Variants in CRACDL observed in about 807,000 individuals in gnomAD.
The protein encoded by CRACDL is CRACD like.
CRACDL carries 26 observed loss-of-function variants against 70.6 expected under a neutral mutation model. The ratio of observed to expected loss-of-function variants is 0.37; its 90% CI spans 0.27 to 0.51. The LOEUF (loss-of-function observed/expected upper bound fraction) is 0.51. Among genes scored for constraint, CRACDL ranks in the 20% least tolerant of loss-of-function variants. The pLI is 0.94. For synonymous variants in CRACDL, 618 were observed against 615.2 expected (o/e 1.00, Z -0.07); for missense variants, 1,283 against 1,376.9 (o/e 0.93, Z 1.08).
intron 1 of CRACDL, among the ~76,000 whole-genome samples, chr2:98,930,661 T>G (rs1709051755): frequency 6.6e-6 from 1 of 152,100 alleles, no homozygotes; most frequent in Non-Finnish European, 1.5e-5. Flanking sequence ...TGTTCTAAAT[T>G]GCGTCAAGGT....
At chr2:98,911,327 G>A (rs1337927679) in intron 1 of CRACDL, among the ~76,000 whole-genome samples, 1 of 152,182 alleles carries the variant, frequency 6.6e-6, no homozygotes, top group Non-Finnish European at 1.5e-5. Context: ...GAGACCCTTT[G>A]CACAATGCCT....
intron 1 of CRACDL, among the ~76,000 whole-genome samples, chr2:98,860,758 G>A (rs1706905204): frequency 6.6e-6 from 1 of 152,110 alleles, no homozygotes; most frequent in African/African-American, 2.4e-5. Context: ...AGAGAAGATA[G>A]GTAAGTTTGA....
intron 1 of CRACDL, among the ~76,000 whole-genome samples, chr2:98,913,626 C>G (rs1467454276): frequency 1.3e-5 from 2 of 152,152 alleles, no homozygotes; most frequent in Non-Finnish European, 2.9e-5. Context: ...CCCTTAGTCA[C>G]TCAGGACCAC....
At chr2:98,932,177 T>C (rs1411834738) in intron 1 of CRACDL, among the ~76,000 whole-genome samples, 1 of 152,130 alleles carries the variant, frequency 6.6e-6, no homozygotes, top group Non-Finnish European at 1.5e-5. Context: ...TGTTTGCAGG[T>C]ATCTAGACAA....
Position 98,936,033 on chromosome 2 carries a change from C to T in CRACDL, c.-106G>A, listed in dbSNP as rs1459153018. 1 of 152,040 alleles carries T rather than the reference C, an allele frequency of 6.6e-6. No individual in the cohort carries two copies. Among genetic ancestry groups the T allele is most frequent in the Non-Finnish European group, 1.5e-5 (1 of 67,976 alleles). The allele number at this position is 152,040 out of a possible 1,614,324, so 9.4% of individuals were successfully genotyped here. ...CCGGGGCTGCTCCCGCCGCGGTGCG[C>T]GTCTAGCCCCAGCCCAAAGCCGGGG... On this transcript the variant is annotated 5_prime_UTR_variant, in exon 1 of 10. Transcript: ENST00000397899.
At chr2:98,806,168 G>A (rs1255217055) in intron 7 of CRACDL, among the ~76,000 whole-genome samples, 2 of 152,278 alleles carry the variant, frequency 1.3e-5, no homozygotes, top group Non-Finnish European at 2.9e-5. Flanking sequence ...AGTAGAAACT[G>A]ATGTGAGTTT....
intron 7 of CRACDL, among the ~76,000 whole-genome samples, chr2:98,801,186 G>A (rs984977565): frequency 6.6e-6 from 1 of 152,204 alleles, no homozygotes; most frequent in East Asian, 1.9e-4. Context: ...TGTCAGGAAT[G>A]CAAGAGGGCC....
intron 1 of CRACDL, chr2:98,897,568 T>C (rs761197647): frequency 1.1e-5 from 3 of 279,338 alleles, no homozygotes; most frequent in Non-Finnish European, 2.2e-5. Context: ...GGAGGTTCCA[T>C]GTAATCCAAT....
chr2:98,897,653 T>G (rs1708163292), intron 1 of CRACDL, among the ~76,000 whole-genome samples: 2 of 152,254 alleles, frequency 1.3e-5, no homozygotes, highest in Non-Finnish European at 2.9e-5. Flanking sequence ...ACTCAAGTTA[T>G]AGTTTTTCCT....
Position 98,822,024 on chromosome 2 carries a change from G to A in CRACDL, c.2249C>T (p.Ala750Val), listed in dbSNP as rs138264489. ...GGAGCTGAGCGGCTCGGGGGGCCGG[G>A]CCTTCCCCTTTCCTTGGTCGCTGGG... ...RAPSDQGKGKARPPEPLSSKP... is the reference protein window; with the variant it reads ...RAPSDQGKGKVRPPEPLSSKP... The change falls in exon 7 of 10, where the codon GCC (alanine) becomes GTC (valine). Residue 750 changes from alanine (A) to valine (V), a missense_variant. Around this residue, in one of 2 missense-constraint regions of CRACDL, gnomAD observed 921 missense variants for 881.9 expected, o/e 1.04. Coordinates refer to ENST00000397899, the MANE Select transcript of CRACDL (RefSeq NM_207362.3). This position sits in a 1 kb window ranked among gnomAD's most constrained non-coding sequence, Gnocchi z 4.9. The A allele has an allele frequency of 4.1e-3, 6,333 of 1,541,346 alleles. 250 individuals carry two copies. The African/African-American group carries it at 0.078, about 19-fold the overall frequency.
intron 1 of CRACDL, among the ~76,000 whole-genome samples, chr2:98,864,454 GCA>G (rs746212221): frequency 2.0e-5 from 3 of 152,106 alleles, no homozygotes; most frequent in Non-Finnish European, 4.4e-5. Flanking sequence ...CTGCTAATGG[GCA>G]CAAGGTTTCT....
At position 98,826,993 on chromosome 2, in the gene CRACDL, C is replaced by T; in HGVS notation, c.717G>A (p.Lys239=). 6.2e-7 allele frequency: 1 copy of T among 1,613,606 alleles called. No individual in the cohort carries two copies. Residue 239 remains lysine, a synonymous_variant, in exon 6 of 10, where the codon AAG becomes AAA. Coordinates refer to ENST00000397899, the MANE Select transcript of CRACDL (RefSeq NM_207362.3). ...CAATTACCGATGAGAGCCGCCTCAT[C>T]TTACTCGACCGCTGGTTGCGGGGCT... ...QVKPRNQRSS[K]MRRLSSRAQS...
intron 1 of CRACDL, among the ~76,000 whole-genome samples, chr2:98,895,101 C>G (rs1174304901): frequency 6.6e-6 from 1 of 152,076 alleles, no homozygotes; most frequent in Non-Finnish European, 1.5e-5. Context: ...ACAGAGGAGA[C>G]CCTGTCTTAA....
In CRACDL at chr2:98,832,447, C is replaced by G; in HGVS notation, c.441G>C (p.Arg147=). ...CAGAGCTCATGCCGGCATCCTCTCC[C>G]CGCTTGGCAGGAAGCCCCCCTGGAG... The part of the protein sequence containing the change: ...PPPPGGLPAK[R]GEDAGMSSED... The change falls in exon 5 of 10, where the codon CGG becomes CGC. Residue 147 remains arginine (R), a synonymous_variant. Coordinates refer to ENST00000397899, the MANE Select transcript of CRACDL (RefSeq NM_207362.3). 6.2e-7 allele frequency: 1 copy of G among 1,614,006 alleles called. No homozygotes were observed. The highest frequency in any genetic ancestry group is 8.5e-7 in the Non-Finnish European group (1 of 1,179,876).
chr2:98,805,225 C>T (rs2104418765), intron 7 of CRACDL, among the ~76,000 whole-genome samples: 1 of 152,240 alleles, frequency 6.6e-6, no homozygotes, highest in East Asian at 1.9e-4. Flanking sequence ...CACTGAGCTA[C>T]ACACATAGGA....
intron 1 of CRACDL, among the ~76,000 whole-genome samples, chr2:98,882,178 G>A (rs1356022183): frequency 1.3e-5 from 2 of 152,212 alleles, no homozygotes; most frequent in African/African-American, 2.4e-5. Context: ...GGCCACTTAG[G>A]CTGCATTTCA....
chr2:98,916,348 G>C (rs2104685074), intron 1 of CRACDL, among the ~76,000 whole-genome samples: 1 of 152,250 alleles, frequency 6.6e-6, no homozygotes, highest in Non-Finnish European at 1.5e-5. Flanking sequence ...ATCTGGGGAG[G>C]GATTATGGAC....
At chr2:98,841,748 T>C (rs1327431973) in intron 2 of CRACDL, among the ~76,000 whole-genome samples, 10 of 152,186 alleles carry the variant, frequency 6.6e-5, no homozygotes, top group Non-Finnish European at 1.0e-4. Flanking sequence ...TTTTCCTAGG[T>C]ATAACGTTCT....
At chr2:98,933,186 A>G (rs1573219012) in intron 1 of CRACDL, among the ~76,000 whole-genome samples, 4 of 152,184 alleles carry the variant, frequency 2.6e-5, no homozygotes. Context: ...CAGCTGGACA[A>G]TGATGGAAAT....
Sources: allele counts gnomAD v4.1 joint callset (sites outside exome capture counted in the v4.1 genomes callset), GRCh38; gene constraint gnomAD v4.1.1; regional missense constraint gnomAD v4.1.1; non-coding constraint Gnocchi (gnomAD v3.1); transcripts MANE v1.5; gene names NCBI Gene and HGNC (gene_info 2026-07-23, HGNC 2026-07-21).